The following FAAH2 variants were observed in gnomAD, a reference collection of about 807,000 sequenced individuals.
FAAH2 encodes the protein fatty-acid amide hydrolase 2.
In FAAH2, 60 loss-of-function variants were observed where a neutral mutation model predicts 36.9. The observed-to-expected ratio is 1.63, with a 90% CI of 1.32 to 2.02. The LOEUF (loss-of-function observed/expected upper bound fraction) is 2.02, where lower values mean the gene tolerates loss of function less well. Among genes scored for constraint, FAAH2 ranks in the 30% most tolerant of loss-of-function variants. FAAH2 has a pLI of 0.00. For missense variants in FAAH2, 689 were observed against 397.5 expected, an observed-to-expected ratio of 1.73 and a Z score of -6.23; for synonymous variants, 214 against 143.8, an observed-to-expected ratio of 1.49 and a Z score of -3.49.
chrX:57,452,334 C>T, intron 10 of FAAH2: 6 of 753,216 alleles, frequency 8.0e-6, no homozygotes, highest in Non-Finnish European at 9.4e-6. Flanking sequence ...CATAACATGC[C>T]ACTCTCAAGA....
chrX:57,474,778 T>A (rs1183058975), intron 10 of FAAH2, among the ~76,000 whole-genome samples: 1 of 112,152 alleles, frequency 8.9e-6, no homozygotes, highest in East Asian at 2.8e-4. Flanking sequence ...ATTGAGGAAT[T>A]GCCACATTGT....
chrX:57,466,002 G>C (rs1202372548), intron 10 of FAAH2, among the ~76,000 whole-genome samples: 1 of 108,965 alleles, frequency 9.2e-6, no homozygotes, highest in African/African-American at 3.3e-5. Context: ...TGGTAAGCAG[G>C]TTAATGCAAA....
chrX:57,151,263 A>C, the FAAH2 span, among the ~76,000 whole-genome samples: 2 of 111,308 alleles, frequency 1.8e-5, no homozygotes, highest in Non-Finnish European at 3.8e-5. Flanking sequence ...CTCAAGGAGT[A>C]TCTTTGTGGC....
the FAAH2 span, among the ~76,000 whole-genome samples, chrX:57,246,425 A>G: frequency 2.7e-5 from 3 of 111,840 alleles, no homozygotes; most frequent in Non-Finnish European, 3.8e-5. Context: ...AAAACCAAAA[A>G]AGAAATTTCA....
the FAAH2 span, among the ~76,000 whole-genome samples, chrX:57,266,134 C>T: frequency 8.0e-5 from 9 of 111,857 alleles, no homozygotes; most frequent in Non-Finnish European, 1.5e-4. Flanking sequence ...TAACCAACTC[C>T]GTGATCCCAT....
At chrX:57,393,752 A>T in intron 7 of FAAH2, 3 of 997,825 alleles carry the variant, frequency 3.0e-6, no homozygotes, top group Non-Finnish European at 4.3e-6. Context: ...TTCACTGGCC[A>T]CAGAGATATC....
At chrX:57,306,183 G>T (rs752097550) in intron 2 of FAAH2, among the ~76,000 whole-genome samples, 2 of 111,811 alleles carry the variant, frequency 1.8e-5, no homozygotes, top group East Asian at 5.6e-4. Context: ...AAGTGTGAGG[G>T]ATGGGATATA....
At chrX:57,200,037 C>T in the FAAH2 span, among the ~76,000 whole-genome samples, 1 of 111,271 alleles carries the variant, frequency 9.0e-6, no homozygotes, top group Non-Finnish European at 1.9e-5. Flanking sequence ...TTTGTTATCC[C>T]TTCAGCTAAT....
chrX:57,314,312 C>G (rs1463546998), intron 3 of FAAH2, among the ~76,000 whole-genome samples: 1 of 111,144 alleles, frequency 9.0e-6, no homozygotes, highest in Non-Finnish European at 1.9e-5. Flanking sequence ...ACCCCACTGA[C>G]AGTGTTAGAC....
chrX:57,475,074 C>T (rs2057240906), intron 10 of FAAH2, among the ~76,000 whole-genome samples: 1 of 111,038 alleles, frequency 9.0e-6, no homozygotes, highest in South Asian at 3.7e-4. Context: ...ATTTAAATTC[C>T]CTGTAGATTG....
intron 7 of FAAH2, among the ~76,000 whole-genome samples, chrX:57,421,513 G>A (rs1384267544): frequency 9.0e-6 from 1 of 111,571 alleles, no homozygotes; most frequent in Non-Finnish European, 1.9e-5. Context: ...TTTGGTGAAG[G>A]CTCTCTTCCT....
chrX:57,441,727 C>T (rs1479458159), intron 8 of FAAH2, among the ~76,000 whole-genome samples: 1 of 111,331 alleles, frequency 9.0e-6, no homozygotes, highest in African/African-American at 3.3e-5. Context: ...ATCTTTCTTG[C>T]TTTCTCTTGT....
chrX:57,471,465 C>A (rs2057164818), intron 10 of FAAH2, among the ~76,000 whole-genome samples: 1 of 111,179 alleles, frequency 9.0e-6, no homozygotes, highest in South Asian at 3.8e-4. Flanking sequence ...GATAGAGAAC[C>A]AAATCATGAG....
the FAAH2 span, among the ~76,000 whole-genome samples, chrX:57,185,489 T>TGC: frequency 0.054 from 3,261 of 60,493 alleles, 60 homozygotes; most frequent in African/African-American, 0.12. Flanking sequence ...TCTCTGTCTC[T>TGC]GTGTGTGTGT....
At chrX:57,192,887 T>TTAATCCTGTCA in the FAAH2 span, among the ~76,000 whole-genome samples, 1 of 112,281 alleles carries the variant, frequency 8.9e-6, no homozygotes, top group African/African-American at 3.2e-5. Flanking sequence ...CTTTAATCTC[T>TTAATCCTGTCA]TAATCCTGTC....
At chrX:57,394,322 G>T in intron 7 of FAAH2, 3 of 1,074,413 alleles carry the variant, frequency 2.8e-6, no homozygotes, top group Non-Finnish European at 3.9e-6. Flanking sequence ...AGTTATTCCA[G>T]TCACCACCTG....
At chrX:57,302,980 A>C (rs767084532) in intron 2 of FAAH2, among the ~76,000 whole-genome samples, 30 of 111,189 alleles carry the variant, frequency 2.7e-4, no homozygotes, top group Non-Finnish European at 5.1e-4. Flanking sequence ...AGGGTATCCA[A>C]TTTCCTTTAT....
chrX:57,278,533 G>T, the FAAH2 span, among the ~76,000 whole-genome samples: 2 of 111,234 alleles, frequency 1.8e-5, no homozygotes, highest in African/African-American at 6.5e-5. Context: ...AGGACTTCAT[G>T]ACTAAAACAC....
the FAAH2 span, among the ~76,000 whole-genome samples, chrX:57,227,463 T>C: frequency 2.7e-5 from 3 of 111,334 alleles, no homozygotes; most frequent in Non-Finnish European, 5.7e-5. Flanking sequence ...TCTGGGCTGG[T>C]ACTGGGGGTT....
Sources: gnomAD v4.1 joint callset for allele counts (sites outside exome capture counted in the v4.1 genomes callset) on GRCh38, gnomAD v4.1.1 for gene constraint, MANE v1.5 for transcripts, NCBI Gene and HGNC (gene_info 2026-07-23, HGNC 2026-07-21) for gene names.